Variants in GLS2 observed in about 807,000 individuals in gnomAD.
The protein encoded by GLS2 is glutaminase liver isoform, mitochondrial.
Under a neutral mutation model 79.0 loss-of-function variants are expected in GLS2, and 52 were observed. The ratio of observed to expected loss-of-function variants is 0.66; its 90% CI spans 0.53 to 0.83. The LOEUF (loss-of-function observed/expected upper bound fraction) is 0.83, where lower values mean the gene tolerates loss of function less well. GLS2 is among the 40% of genes least tolerant of loss of function. The pLI, the probability that GLS2 is intolerant of heterozygous loss-of-function variation, is 0.00. For synonymous variants in GLS2, 238 were observed against 280.8 expected (o/e 0.85, Z 1.52); for missense variants, 561 against 764.8 (o/e 0.73, Z 3.14).
intron 2 of GLS2, 93 bp from the exon 3 acceptor site, chr12:56,479,994 C>T: frequency 1.3e-6 from 2 of 1,489,414 alleles, no homozygotes; most frequent in Middle Eastern, 1.9e-4. Flanking sequence ...TTAGCTGAAC[C>T]CCAACCACTA....
intron 9 of GLS2, chr12:56,475,411 G>T: frequency 1.4e-6 from 1 of 702,816 alleles, no homozygotes; most frequent in Non-Finnish European, 2.3e-6. Flanking sequence ...CCATCACACT[G>T]CCTCTCTCAT....
At chr12:56,472,880 A>AT in intron 14 of GLS2, 129 bp from the exon 15 acceptor site, 3 of 680,456 alleles carry the variant, frequency 4.4e-6, no homozygotes, top group South Asian at 2.0e-5. Flanking sequence ...CTACTCTGAA[A>AT]TATTCTTTTT....
At chr12:56,487,518 AAC>A (rs888591901) in intron 1 of GLS2, 1 of 230,130 alleles carries the variant, frequency 4.3e-6, no homozygotes, top group Non-Finnish European at 8.5e-6. Flanking sequence ...GCAGAAACAC[AAC>A]ACACAGACCC....
At chr12:56,484,744 C>T (rs1280437973) in intron 1 of GLS2, among the ~76,000 whole-genome samples, 1 of 152,044 alleles carries the variant, frequency 6.6e-6, no homozygotes, top group East Asian at 1.9e-4. Flanking sequence ...GATGGATCAC[C>T]AATGTAATGT....
rs771525028 is a variant in GLS2 at position 56,488,134 on chromosome 12, C to G, written c.-16G>C. The G allele has an allele frequency of 2.0e-6, 3 of 1,520,768 alleles. No individual in the cohort carries two copies. The highest frequency in any genetic ancestry group is 2.8e-5 in the African/African-American group (2 of 71,584). 94.2% of individuals were successfully genotyped at this position (1,520,768 alleles called of 1,614,324 possible). Reference sequence around the variant, plus strand: ...TGGAGCGCATGCCCCAGCAAGCCTCCGGCTCTGCAGGTGCGCCCGGGACCT... The same window carrying G: ...TGGAGCGCATGCCCCAGCAAGCCTCGGGCTCTGCAGGTGCGCCCGGGACCT... On this transcript the variant is annotated 5_prime_UTR_variant, in exon 1 of 18. Coordinates refer to ENST00000311966, the MANE Select transcript of GLS2 (RefSeq NM_013267.4).
In GLS2 at chr12:56,487,927, G is replaced by A. The variant is rs758675461; in HGVS notation, c.182+10C>T. ...CAAGCCCGTCCCCTGCCCTGTCCCA[G>A]GAGCCTTACTGATCCTGGTGCTGCG... On this transcript the variant is annotated intron_variant, in intron 1 of 17. Coordinates refer to ENST00000311966, the MANE Select transcript of GLS2 (RefSeq NM_013267.4). 2 of 1,601,334 alleles carry A rather than the reference G, an allele frequency of 1.2e-6. No homozygotes were observed. The highest frequency in any genetic ancestry group is 3.3e-5 in the Admixed American group (2 of 59,818).
At chr12:56,472,566 A>T in intron 15 of GLS2, 124 bp downstream of exon 15, 2 of 841,532 alleles carry the variant, frequency 2.4e-6, no homozygotes, top group Non-Finnish European at 3.8e-6. Context: ...AATTTCATTT[A>T]AATGCAATCT....
At chr12:56,476,922 A>C (rs1869879837) in intron 7 of GLS2, 1 of 152,176 alleles carries the variant, frequency 6.6e-6, no homozygotes, top group African/African-American at 2.4e-5. Flanking sequence ...GGTCCTACTT[A>C]GATGGGAATG....
At chr12:56,476,180 G>C in intron 7 of GLS2, 2 of 440,116 alleles carry the variant, frequency 4.5e-6, no homozygotes, top group Non-Finnish European at 8.0e-6. Context: ...TTTTGAGACA[G>C]TCTTGCTTTG....
intron 1 of GLS2, among the ~76,000 whole-genome samples, chr12:56,486,185 T>C (rs572602059): frequency 4.6e-5 from 7 of 152,128 alleles, no homozygotes; most frequent in African/African-American, 9.7e-5. Context: ...TCTCCAGTGC[T>C]CTCAACCCTT....
At chr12:56,472,779 A>G (rs1565701087) in intron 14 of GLS2, 28 bp from the exon 15 acceptor site, 5 of 1,609,318 alleles carry the variant, frequency 3.1e-6, no homozygotes, top group Admixed American at 3.3e-5. Flanking sequence ...CCCACATGAC[A>G]TTAATTGAAC....
rs760752446 is a variant in GLS2 at position 56,472,802 on chromosome 12, G to T, written c.1450-51C>A. On this transcript the variant is annotated intron_variant, in intron 14 of 17. Coordinates refer to ENST00000311966, the MANE Select transcript of GLS2 (RefSeq NM_013267.4). ...ACATTAATTGAACTCACCTATGCCA[G>T]CTGTGCCCTGTGACCCTCCTCCATG... 2.6e-6 allele frequency: 4 copies of T among 1,534,426 alleles called. No individual in the cohort carries two copies. In the Admixed American group the frequency reaches 6.7e-5, roughly 26 times the overall value.
At chr12:56,473,690 T>A (rs1869520786) in intron 12 of GLS2, 96 bp from the exon 13 acceptor site, 1 of 1,445,844 alleles carries the variant, frequency 6.9e-7, no homozygotes, top group Admixed American at 2.4e-5. Flanking sequence ...TACAAATGAC[T>A]GCATGACCAC....
chr12:56,476,060 A>G, intron 7 of GLS2, 83 bp from the exon 8 acceptor site: 1 of 1,361,924 alleles, frequency 7.3e-7, no homozygotes, highest in Non-Finnish European at 1.0e-6. Context: ...GTGGAGTTCT[A>G]GTGTTAGTCT....
intron 1 of GLS2, among the ~76,000 whole-genome samples, chr12:56,483,083 C>CTT (rs756613672): frequency 6.4e-5 from 9 of 141,256 alleles, no homozygotes; most frequent in South Asian, 4.5e-4. Flanking sequence ...CTTTTTCTTT[C>CTT]TTTTTTTTTT....
Position 56,474,631 on chromosome 12 carries a change from ACT to A in GLS2, c.1135_1136del (p.Ser379CysfsTer5), listed in dbSNP as rs765439321. On this transcript the variant is annotated frameshift_variant, in exon 12 of 18. Coordinates refer to ENST00000311966, the MANE Select transcript of GLS2 (RefSeq NM_013267.4). LOFTEE classifies it high-confidence loss of function. ...NGGICPITGE[S>X]VLSAEAVRNT... Reference sequence around the variant, plus strand: ...TGCGCACTGCTTCAGCACTCAGCACACTCTCGCCTGTGATGGGGCAGATCCCA... The same window carrying A: ...TGCGCACTGCTTCAGCACTCAGCACACTCGCCTGTGATGGGGCAGATCCCA... 7 of 1,614,126 alleles carry A rather than the reference ACT, an allele frequency of 4.3e-6. No homozygotes were observed. The highest frequency in any genetic ancestry group is 1.7e-5 in the Admixed American group (1 of 60,024).
At chr12:56,486,628 G>A (rs528161554) in intron 1 of GLS2, among the ~76,000 whole-genome samples, 2 of 152,312 alleles carry the variant, frequency 1.3e-5, no homozygotes, top group South Asian at 4.1e-4. Context: ...ATCACCTGAA[G>A]TCAGGAGTTC....
At chr12:56,474,977 A>G (rs1592274980) in intron 10 of GLS2, 67 bp downstream of exon 10, 5 of 1,613,380 alleles carry the variant, frequency 3.1e-6, no homozygotes, top group Non-Finnish European at 3.4e-6. Flanking sequence ...GAAGCCCCCA[A>G]CCCCTACTGC....
chr12:56,485,406 G>A (rs1319515559), intron 1 of GLS2, among the ~76,000 whole-genome samples: 5 of 151,556 alleles, frequency 3.3e-5, no homozygotes, highest in South Asian at 2.1e-4. Flanking sequence ...ACAGGCATGC[G>A]CCACCATGCC....
Sources: allele counts gnomAD v4.1 joint callset (sites outside exome capture counted in the v4.1 genomes callset), GRCh38; gene constraint gnomAD v4.1.1; transcripts MANE v1.5; gene names NCBI Gene and HGNC (gene_info 2026-07-23, HGNC 2026-07-21).